Variants in CNTN5 observed in about 807,000 individuals in gnomAD.
The protein encoded by CNTN5 is contactin-5.
Under a neutral mutation model 129.1 loss-of-function variants are expected in CNTN5, and 77 were observed. The observed-to-expected ratio is 0.60, with a 90% CI of 0.50 to 0.72. CNTN5 has a LOEUF of 0.72. Ranked by LOEUF, CNTN5 falls within the 30% of genes least tolerant of loss-of-function variation. The probability of loss-of-function intolerance (pLI) is 0.00; values close to 1 mark genes in which losing one functional copy is unlikely to be tolerated. For missense variants in CNTN5, 1,478 were observed against 1,328.8 expected, an observed-to-expected ratio of 1.11 and a Z score of -1.75; for synonymous variants, 509 against 465.6, an observed-to-expected ratio of 1.09 and a Z score of -1.20.
intron 3 of CNTN5, among the ~76,000 whole-genome samples, chr11:99,705,974 G>GGA (rs566333888): frequency 2.0e-3 from 308 of 151,468 alleles, no homozygotes; most frequent in Non-Finnish European, 3.2e-3. Flanking sequence ...TCACCAGGGT[G>GGA]GAGAGAGACG....
intron 3 of CNTN5, among the ~76,000 whole-genome samples, chr11:99,731,536 A>G (rs1188774988): frequency 3.9e-5 from 6 of 152,170 alleles, no homozygotes; most frequent in African/African-American, 9.7e-5. Flanking sequence ...TAGAGACTCA[A>G]AATTCCCTGG....
intron 3 of CNTN5, among the ~76,000 whole-genome samples, chr11:99,606,678 C>T (rs1950427242): frequency 7.3e-6 from 1 of 136,840 alleles, no homozygotes; most frequent in Non-Finnish European, 1.6e-5. Flanking sequence ...GGAGACATCA[C>T]ACTACCTGAC....
In CNTN5 at chr11:99,399,127, A is replaced by T. The variant is rs559204305; in HGVS notation, c.-71+73643A>T. ...TTTAATTGTATACATTTCCCTGACA[A>T]ATTATGGGGCTACATAAGCATTTGT... On this transcript the variant is annotated intron_variant, in intron 2 of 24. Coordinates refer to ENST00000524871, the MANE Select transcript of CNTN5 (RefSeq NM_014361.4). 2.7e-5 allele frequency among the ~76,000 whole-genome samples: 4 copies of T among 148,860 alleles called. No individual in the cohort carries two copies. In the East Asian group the frequency reaches 8.0e-4, roughly 30 times the overall value.
chr11:100,283,905 C>G (rs1950702632), intron 18 of CNTN5, among the ~76,000 whole-genome samples: 1 of 152,066 alleles, frequency 6.6e-6, no homozygotes, highest in Non-Finnish European at 1.5e-5. Flanking sequence ...AAGATCGGGC[C>G]ATTGCACTCC....
chr11:99,801,736 C>A (rs1441670215), intron 3 of CNTN5, among the ~76,000 whole-genome samples: 4 of 152,072 alleles, frequency 2.6e-5, no homozygotes, highest in African/African-American at 9.7e-5. Context: ...TATTTCAATT[C>A]TATTTTGAAA....
At chr11:99,959,415 A>T (rs1462207740) in intron 8 of CNTN5, among the ~76,000 whole-genome samples, 2 of 152,218 alleles carry the variant, frequency 1.3e-5, no homozygotes, top group African/African-American at 4.8e-5. Flanking sequence ...TCTTAACTGC[A>T]TCTCCATCTG....
intron 2 of CNTN5, among the ~76,000 whole-genome samples, chr11:99,522,475 C>T (rs1014784030): frequency 1.3e-5 from 2 of 151,664 alleles, no homozygotes; most frequent in African/African-American, 2.4e-5. Context: ...GAACAAGTAA[C>T]GGTATTCTAG....
chr11:100,288,725 A>C (rs575530719), intron 18 of CNTN5, among the ~76,000 whole-genome samples: 49 of 151,922 alleles, frequency 3.2e-4, no homozygotes, highest in African/African-American at 1.1e-3. Context: ...AAACACATTC[A>C]AAAGCTAGCA....
intron 3 of CNTN5, among the ~76,000 whole-genome samples, chr11:99,565,971 A>G (rs1431867964): frequency 6.6e-6 from 1 of 152,204 alleles, no homozygotes; most frequent in African/African-American, 2.4e-5. Flanking sequence ...ATTGCTTTCA[A>G]TAAGAGTAGC....
intron 3 of CNTN5, among the ~76,000 whole-genome samples, chr11:99,777,886 A>G (rs1020308966): frequency 2.0e-5 from 3 of 151,862 alleles, no homozygotes; most frequent in Non-Finnish European, 4.4e-5. Context: ...CAGATTATAT[A>G]TAATACTACA....
chr11:99,134,266 A>G (rs1211812017), intron 1 of CNTN5, among the ~76,000 whole-genome samples: 1 of 152,126 alleles, frequency 6.6e-6, no homozygotes. Context: ...AGGGCAAGGC[A>G]GGGAGGGCAT....
intron 18 of CNTN5, among the ~76,000 whole-genome samples, chr11:100,285,867 G>T (rs1950772050): frequency 6.6e-6 from 1 of 152,178 alleles, no homozygotes; most frequent in African/African-American, 2.4e-5. Context: ...ACTAGGGAGT[G>T]CCAGACAGTG....
chr11:99,328,686 C>A (rs1865880418), intron 2 of CNTN5, among the ~76,000 whole-genome samples: 3 of 151,736 alleles, frequency 2.0e-5, no homozygotes, highest in African/African-American at 7.3e-5. Flanking sequence ...GCTTGACCAA[C>A]ATGGAGAAAC....
At chr11:99,031,795 T>C (rs1863389541) in intron 1 of CNTN5, among the ~76,000 whole-genome samples, 2 of 152,036 alleles carry the variant, frequency 1.3e-5, no homozygotes, top group Admixed American at 1.3e-4. Flanking sequence ...CTTTAAGTTT[T>C]AGGGTACATG....
intron 9 of CNTN5, among the ~76,000 whole-genome samples, chr11:100,032,361 C>T (rs775713908): frequency 6.6e-6 from 1 of 151,964 alleles, no homozygotes; most frequent in Non-Finnish European, 1.5e-5. Flanking sequence ...ATATTATTAT[C>T]AATTTCAATC....
At chr11:100,108,885 A>C (rs1945547898) in intron 13 of CNTN5, among the ~76,000 whole-genome samples, 1 of 152,056 alleles carries the variant, frequency 6.6e-6, no homozygotes, top group Non-Finnish European at 1.5e-5. Context: ...GATCAAAGTA[A>C]TTTGCAGCAT....
At chr11:99,255,820 A>G (rs1417554176) in intron 1 of CNTN5, among the ~76,000 whole-genome samples, 1 of 151,552 alleles carries the variant, frequency 6.6e-6, no homozygotes, top group African/African-American at 2.4e-5. Flanking sequence ...ACACACGCAC[A>G]CGCACACACA....
At chr11:100,320,815 T>C (rs1951676168) in intron 21 of CNTN5, among the ~76,000 whole-genome samples, 1 of 152,180 alleles carries the variant, frequency 6.6e-6, no homozygotes, top group African/African-American at 2.4e-5. Context: ...AAAGAGACTA[T>C]CCTTTCCCCA....
intron 16 of CNTN5, among the ~76,000 whole-genome samples, chr11:100,250,963 G>C (rs1949951586): frequency 6.6e-6 from 1 of 152,118 alleles, no homozygotes; most frequent in African/African-American, 2.4e-5. Context: ...TAAATAGAAT[G>C]GAGGGAATGA....
Sources: allele counts gnomAD v4.1 joint callset (sites outside exome capture counted in the v4.1 genomes callset), GRCh38; gene constraint gnomAD v4.1.1; transcripts MANE v1.5; gene names NCBI Gene and HGNC (gene_info 2026-07-23, HGNC 2026-07-21).